Variants in PTPRG observed in about 807,000 individuals in gnomAD.
The protein encoded by PTPRG is receptor-type tyrosine-protein phosphatase gamma.
In PTPRG, 102 loss-of-function variants were observed where a neutral mutation model predicts 165.3. The observed-to-expected ratio is 0.62, with a 90% CI of 0.53 to 0.73. PTPRG has a LOEUF of 0.73. Among genes scored for constraint, PTPRG ranks in the 30% least tolerant of loss-of-function variants. The probability of loss-of-function intolerance (pLI) is 0.00; values close to 1 mark genes in which losing one functional copy is unlikely to be tolerated. For missense variants in PTPRG, 1,866 were observed against 1,861.4 expected, an observed-to-expected ratio of 1.00 and a Z score of -0.05; for synonymous variants, 675 against 669.5, an observed-to-expected ratio of 1.01 and a Z score of -0.13.
intron 6 of PTPRG, among the ~76,000 whole-genome samples, chr3:62,132,909 T>C (rs1272078926): frequency 6.6e-6 from 1 of 152,248 alleles, no homozygotes; most frequent in African/African-American, 2.4e-5. Context: ...ATGCATATGT[T>C]ATAAATCAGA....
chr3:62,268,981 AC>A (rs1576201039), intron 19 of PTPRG, 53 bp from the exon 20 acceptor site: 1 of 1,473,866 alleles, frequency 6.8e-7, no homozygotes, highest in East Asian at 2.4e-5. Flanking sequence ...TACATTATCA[AC>A]AGAATTGTGG....
intron 1 of PTPRG, among the ~76,000 whole-genome samples, chr3:61,748,599 G>A (rs1162120692): frequency 6.6e-6 from 1 of 152,142 alleles, no homozygotes; most frequent in East Asian, 1.9e-4. Flanking sequence ...GCTTGGTGGT[G>A]TTTTGCAAAT....
intron 2 of PTPRG, among the ~76,000 whole-genome samples, chr3:61,867,033 C>G (rs2037431644): frequency 6.6e-6 from 1 of 152,176 alleles, no homozygotes; most frequent in Non-Finnish European, 1.5e-5. Context: ...CATCATCCTT[C>G]CAGCCAGGAG....
intron 1 of PTPRG, among the ~76,000 whole-genome samples, chr3:61,680,345 C>T (rs1469041775): frequency 3.3e-5 from 5 of 151,944 alleles, no homozygotes; most frequent in Admixed American, 1.3e-4. Context: ...GGCCTCATCT[C>T]AGGGTGGCTG....
At chr3:61,628,298 TTATC>T (rs1287020020) in intron 1 of PTPRG, among the ~76,000 whole-genome samples, 5 of 152,226 alleles carry the variant, frequency 3.3e-5, no homozygotes, top group East Asian at 1.9e-4. Flanking sequence ...TGTCAACTTC[TTATC>T]TATTTTTTCA....
At chr3:62,164,894 C>A (rs116438204) in intron 7 of PTPRG, among the ~76,000 whole-genome samples, 1,744 of 152,290 alleles carry the variant, frequency 0.011, 25 homozygotes, top group East Asian at 0.043. Flanking sequence ...CTGAGACAGG[C>A]CATTCTTTTC....
chr3:61,586,732 C>A (rs1300273510), intron 1 of PTPRG, among the ~76,000 whole-genome samples: 4 of 152,168 alleles, frequency 2.6e-5, no homozygotes, highest in Admixed American at 6.5e-5. Context: ...TCTGGATGTC[C>A]CATTTGTTTC....
chr3:62,059,405 A>C (rs984102127), intron 4 of PTPRG, among the ~76,000 whole-genome samples: 1 of 152,204 alleles, frequency 6.6e-6, no homozygotes, highest in African/African-American at 2.4e-5. Flanking sequence ...ATTGTCCATA[A>C]AACAGATCAG....
At chr3:61,934,623 T>C (rs1369337362) in intron 2 of PTPRG, among the ~76,000 whole-genome samples, 1 of 152,092 alleles carries the variant, frequency 6.6e-6, no homozygotes, top group Non-Finnish European at 1.5e-5. Context: ...CATATCTGCA[T>C]TGTGGCCAGC....
At chr3:61,896,603 G>A (rs915132523) in intron 2 of PTPRG, among the ~76,000 whole-genome samples, 3 of 152,172 alleles carry the variant, frequency 2.0e-5, no homozygotes, top group East Asian at 1.9e-4. Context: ...TGGTAGTTAC[G>A]TATGCAGTTT....
intron 1 of PTPRG, among the ~76,000 whole-genome samples, chr3:61,637,240 GTAGT>G (rs1183308414): frequency 6.6e-6 from 1 of 152,220 alleles, no homozygotes; most frequent in East Asian, 1.9e-4. Context: ...CTCTGGTCAG[GTAGT>G]TAGTTGTGAC....
chr3:62,039,154 T>C (rs572464656), intron 4 of PTPRG, among the ~76,000 whole-genome samples: 1 of 152,176 alleles, frequency 6.6e-6, no homozygotes. Context: ...AGGCTGCTCT[T>C]GAACTCCTGA....
intron 2 of PTPRG, among the ~76,000 whole-genome samples, chr3:61,772,393 T>C (rs1234332773): frequency 2.6e-5 from 4 of 152,034 alleles, no homozygotes; most frequent in Non-Finnish European, 5.9e-5. Context: ...ATTACTCCTT[T>C]TCCGTAATGT....
chr3:61,821,674 T>C (rs1035435613), intron 2 of PTPRG, among the ~76,000 whole-genome samples: 19 of 152,090 alleles, frequency 1.2e-4, no homozygotes, highest in Non-Finnish European at 1.9e-4. Flanking sequence ...AGGGGAAATA[T>C]GAAAGTTAAA....
intron 5 of PTPRG, among the ~76,000 whole-genome samples, chr3:62,111,932 T>C (rs902193293): frequency 2.0e-5 from 3 of 152,190 alleles, no homozygotes; most frequent in Admixed American, 2.0e-4. Flanking sequence ...TAAAAAATTT[T>C]GTTTTGGTGT....
chr3:62,037,907 C>T (rs1700001267), intron 4 of PTPRG, among the ~76,000 whole-genome samples: 1 of 152,144 alleles, frequency 6.6e-6, no homozygotes, highest in South Asian at 2.1e-4. Flanking sequence ...CTAATTACTT[C>T]CCAAAGGTCT....
At chr3:62,051,963 C>T (rs1043379503) in intron 4 of PTPRG, among the ~76,000 whole-genome samples, 1 of 152,138 alleles carries the variant, frequency 6.6e-6, no homozygotes, top group Non-Finnish European at 1.5e-5. Context: ...TGTAACCAAA[C>T]CACCTCTCCC....
intron 2 of PTPRG, among the ~76,000 whole-genome samples, chr3:61,879,000 A>C (rs1404399797): frequency 8.5e-5 from 13 of 152,236 alleles, no homozygotes; most frequent in Non-Finnish European, 1.3e-4. Flanking sequence ...TATTAACAGG[A>C]GGTAAATCTA....
chr3:62,276,009 T>C (rs760659271), intron 24 of PTPRG, 43 bp downstream of exon 24: 9 of 1,450,694 alleles, frequency 6.2e-6, no homozygotes, highest in African/African-American at 1.4e-5. Context: ...TTATACTGGA[T>C]TGTATGTTAG....
Sources: allele counts gnomAD v4.1 joint callset (sites outside exome capture counted in the v4.1 genomes callset), GRCh38; gene constraint gnomAD v4.1.1; transcripts MANE v1.5; gene names NCBI Gene and HGNC (gene_info 2026-07-23, HGNC 2026-07-21).